The following NCAM2 variants were observed in gnomAD, a reference collection of about 807,000 sequenced individuals.
NCAM2 encodes neural cell adhesion molecule 2.
NCAM2 carries 30 observed loss-of-function variants against 98.1 expected under a neutral mutation model. The observed-to-expected ratio is 0.31, with a 90% CI of 0.23 to 0.41. NCAM2 has a LOEUF of 0.41. Among genes scored for constraint, NCAM2 ranks in the 10% least tolerant of loss-of-function variants. The probability of loss-of-function intolerance (pLI) is 1.00; values close to 1 mark genes in which losing one functional copy is unlikely to be tolerated. For missense variants in NCAM2, 867 were observed against 1,005.8 expected (o/e 0.86, Z 1.87); for synonymous variants, 368 against 342.4 (o/e 1.07, Z -0.83).
chr21:21,153,609 G>A (rs1252232735), intron 1 of NCAM2, among the ~76,000 whole-genome samples: 1 of 151,922 alleles, frequency 6.6e-6, no homozygotes, highest in African/African-American at 2.4e-5. Context: ...TTGAATGTGA[G>A]CATTTTGGAA....
At chr21:21,524,825 A>G (rs1989237508) in intron 16 of NCAM2, among the ~76,000 whole-genome samples, 1 of 152,152 alleles carries the variant, frequency 6.6e-6, no homozygotes, top group African/African-American at 2.4e-5. Context: ...CTCTCATACC[A>G]CAATGGAATT....
At chr21:21,170,646 G>A (rs2068092390) in intron 1 of NCAM2, among the ~76,000 whole-genome samples, 1 of 152,070 alleles carries the variant, frequency 6.6e-6, no homozygotes, top group South Asian at 2.1e-4. Flanking sequence ...GGCTATTTAG[G>A]GCAGTGGAAT....
At chr21:21,065,195 CA>C (rs1164940664) in intron 1 of NCAM2, among the ~76,000 whole-genome samples, 3 of 151,386 alleles carry the variant, frequency 2.0e-5, no homozygotes, top group Non-Finnish European at 3.0e-5. Flanking sequence ...AAACAAAAAA[CA>C]AAAAACAAAA....
chr21:21,474,790 C>G (rs1984937735), intron 14 of NCAM2, among the ~76,000 whole-genome samples: 2 of 151,808 alleles, frequency 1.3e-5, no homozygotes, highest in Non-Finnish European at 2.9e-5. Context: ...TGTGTGTATA[C>G]ACAATTTATA....
chr21:21,169,828 C>T (rs561459223), intron 1 of NCAM2, among the ~76,000 whole-genome samples: 3 of 152,074 alleles, frequency 2.0e-5, no homozygotes, highest in South Asian at 2.1e-4. Flanking sequence ...TGTGGTGGTG[C>T]ACACCTTTAG....
intron 1 of NCAM2, among the ~76,000 whole-genome samples, chr21:21,006,208 A>G (rs2064110452): frequency 2.0e-5 from 3 of 152,110 alleles, no homozygotes; most frequent in African/African-American, 4.8e-5. Context: ...ATAATGCAGA[A>G]ATTGTGTTGA....
chr21:21,371,640 T>A (rs907206079), intron 8 of NCAM2, among the ~76,000 whole-genome samples: 14 of 151,754 alleles, frequency 9.2e-5, no homozygotes, highest in African/African-American at 3.4e-4. Flanking sequence ...CAGATCACAA[T>A]CCACACTTTG....
intron 1 of NCAM2, among the ~76,000 whole-genome samples, chr21:21,161,424 G>A (rs541443617): frequency 4.6e-5 from 7 of 151,262 alleles, no homozygotes; most frequent in South Asian, 2.1e-4. Context: ...CAATTGTGTG[G>A]TAGGGTTGTT....
intron 12 of NCAM2, among the ~76,000 whole-genome samples, chr21:21,451,141 T>G (rs997913328): frequency 6.6e-6 from 1 of 152,250 alleles, no homozygotes; most frequent in Admixed American, 6.5e-5. Flanking sequence ...CTGTCTTGAC[T>G]GCACATTGGA....
chr21:21,120,258 A>T (rs904568523), intron 1 of NCAM2, among the ~76,000 whole-genome samples: 3 of 152,212 alleles, frequency 2.0e-5, no homozygotes, highest in African/African-American at 7.2e-5. Context: ...AATGACACAG[A>T]TAAATTCGGA....
At chr21:21,299,781 G>T (rs2073641584) in intron 5 of NCAM2, among the ~76,000 whole-genome samples, 1 of 152,014 alleles carries the variant, frequency 6.6e-6, no homozygotes, top group East Asian at 2.0e-4. Flanking sequence ...GTATTTGAAA[G>T]GACTCAGCAG....
At chr21:21,170,928 A>G (rs1215219344) in intron 1 of NCAM2, among the ~76,000 whole-genome samples, 1 of 144,820 alleles carries the variant, frequency 6.9e-6, no homozygotes, top group East Asian at 2.0e-4. Context: ...ACAGCTCTGA[A>G]AAATCACATT....
chr21:21,139,698 G>A (rs557573713), intron 1 of NCAM2, among the ~76,000 whole-genome samples: 2 of 152,020 alleles, frequency 1.3e-5, no homozygotes, highest in Non-Finnish European at 2.9e-5. Flanking sequence ...GAAAATATGT[G>A]TGCAGAAGTA....
chr21:21,231,533 A>G (rs1397096430), intron 1 of NCAM2, among the ~76,000 whole-genome samples: 2 of 151,390 alleles, frequency 1.3e-5, no homozygotes, highest in African/African-American at 2.4e-5. Flanking sequence ...TAATGACTCT[A>G]TGTATTAAAC....
intron 10 of NCAM2, among the ~76,000 whole-genome samples, chr21:21,410,891 C>T (rs1983698677): frequency 6.7e-6 from 1 of 148,386 alleles, no homozygotes; most frequent in Non-Finnish European, 1.5e-5. Context: ...CCTATAGCCC[C>T]AGCTACTCAG....
chr21:21,044,845 G>A (rs2064977521), intron 1 of NCAM2, among the ~76,000 whole-genome samples: 1 of 152,042 alleles, frequency 6.6e-6, no homozygotes, highest in South Asian at 2.1e-4. Flanking sequence ...TGCATCTGTG[G>A]TTCTGGCTAC....
intron 1 of NCAM2, among the ~76,000 whole-genome samples, chr21:21,234,593 C>T (rs935016345): frequency 6.6e-6 from 1 of 151,858 alleles, no homozygotes; most frequent in Non-Finnish European, 1.5e-5. Flanking sequence ...TGCTGATTTT[C>T]AATTTTATAA....
At chr21:21,513,387 T>G (rs961036284) in intron 16 of NCAM2, among the ~76,000 whole-genome samples, 2 of 152,150 alleles carry the variant, frequency 1.3e-5, no homozygotes, top group Admixed American at 6.6e-5. Context: ...TTTTGGTATG[T>G]TGTGTTTCCA....
At chr21:21,079,849 T>A (rs1212039650) in intron 1 of NCAM2, among the ~76,000 whole-genome samples, 1 of 152,252 alleles carries the variant, frequency 6.6e-6, no homozygotes, top group Non-Finnish European at 1.5e-5. Flanking sequence ...ATTTTTCAAA[T>A]ACTCAGTGCT....
Sources: gnomAD v4.1 joint callset for allele counts (sites outside exome capture counted in the v4.1 genomes callset) on GRCh38, gnomAD v4.1.1 for gene constraint, MANE v1.5 for transcripts, NCBI Gene and HGNC (gene_info 2026-07-23, HGNC 2026-07-21) for gene names.